Variants in ZMIZ1 observed in about 807,000 individuals in gnomAD.
ZMIZ1 encodes the protein zinc finger MIZ-type containing 1.
Under a neutral mutation model 113.9 loss-of-function variants are expected in ZMIZ1, and 17 were observed. The ratio of observed to expected loss-of-function variants is 0.15; its 90% CI spans 0.10 to 0.22. ZMIZ1 has a LOEUF of 0.22. Ranked by LOEUF, ZMIZ1 falls within the 10% of genes least tolerant of loss-of-function variation. ZMIZ1 has a pLI of 1.00. For missense variants in ZMIZ1, 1,059 were observed against 1,477.8 expected, an observed-to-expected ratio of 0.72 and a Z score of 4.65; for synonymous variants, 607 against 603.1, an observed-to-expected ratio of 1.01 and a Z score of -0.09.
chr10:79,208,427 A>G lies in ZMIZ1; in HGVS notation c.152A>G (p.Gln51Arg). The G allele has an allele frequency of 6.2e-7, 1 of 1,613,902 alleles. No individual in the cohort carries two copies. Among genetic ancestry groups the G allele is most frequent in the Non-Finnish European group, 8.5e-7 (1 of 1,180,022 alleles). The part of the protein sequence containing the change: ...DPRAFQRPFE[Q>R]SLMGCLTVVS... ...CGGGCCTTCCAGCGGCCCTTCGAGC[A>G]GAGCCTGATGGGCTGTTTGACGGTG... Residue 51 changes from glutamine (Q) to arginine (R), a missense_variant, in exon 6 of 25, where the codon CAG (glutamine) becomes CGG (arginine). By Grantham distance (43) the Gln-to-Arg change is conservative. Coordinates refer to ENST00000334512, the MANE Select transcript of ZMIZ1 (RefSeq NM_020338.4).
Position 79,296,423 on chromosome 10 carries a change from G to A in ZMIZ1, c.1231-48G>A, listed in dbSNP as rs139683634. 940 of 1,603,898 alleles carry A rather than the reference G, an allele frequency of 5.9e-4. 2 individuals are homozygous for A. In the African/African-American group the frequency reaches 0.011, roughly 19 times the overall value. On this transcript the variant is annotated intron_variant, in intron 12 of 24. Transcript: ENST00000334512. The surrounding 1 kb of genome is among the most constrained non-coding windows in gnomAD (Gnocchi z 4.1). The stretch of plus-strand genomic sequence containing the variant: ...TGTTCAGGTGACCTGGCTATGTGAC[G>A]TTGGCAACATTGAACGTGTTTCCCC...
intron 1 of ZMIZ1, among the ~76,000 whole-genome samples, chr10:79,106,703 C>T (rs1339884143): frequency 1.3e-5 from 2 of 152,240 alleles, no homozygotes; most frequent in East Asian, 1.9e-4. Context: ...TTGTTCATTC[C>T]ATACCCACTC....
chr10:79,145,124 G>T (rs763078223), intron 3 of ZMIZ1, among the ~76,000 whole-genome samples: 1 of 150,594 alleles, frequency 6.6e-6, no homozygotes, highest in Non-Finnish European at 1.5e-5. Flanking sequence ...CTCTGTCTGT[G>T]TCTTCCTTCT....
intron 7 of ZMIZ1, among the ~76,000 whole-genome samples, chr10:79,262,072 G>A (rs1281639219): frequency 6.6e-6 from 1 of 152,188 alleles, no homozygotes; most frequent in Non-Finnish European, 1.5e-5. Flanking sequence ...GCTTCTGCTG[G>A]CCCTAAGAAC....
At chr10:79,241,660 A>T (rs1564544390) in intron 7 of ZMIZ1, among the ~76,000 whole-genome samples, 1 of 152,206 alleles carries the variant, frequency 6.6e-6, no homozygotes, top group Non-Finnish European at 1.5e-5. Flanking sequence ...CCTGAAAGCG[A>T]TATTTCAAGT....
chr10:79,291,956 T>G (rs1314541974), intron 10 of ZMIZ1, among the ~76,000 whole-genome samples: 1 of 152,080 alleles, frequency 6.6e-6, no homozygotes, highest in African/African-American at 2.4e-5. Context: ...GCAGTGAGGG[T>G]GCAGGCACCC....
At chr10:79,247,683 G>T (rs1850291822) in intron 7 of ZMIZ1, among the ~76,000 whole-genome samples, 1 of 152,206 alleles carries the variant, frequency 6.6e-6, no homozygotes, top group South Asian at 2.1e-4. Flanking sequence ...GTGCTGCTTT[G>T]TGTGTACTGG....
At chr10:79,185,283 A>G (rs1847306657) in intron 4 of ZMIZ1, among the ~76,000 whole-genome samples, 1 of 152,130 alleles carries the variant, frequency 6.6e-6, no homozygotes, top group Non-Finnish European at 1.5e-5. Context: ...ATTCGCCCCA[A>G]AATTGTTGAG....
chr10:79,133,605 T>C lies in ZMIZ1; in HGVS notation c.-226-6077T>C, dbSNP rs559359510. Among the ~76,000 whole-genome samples the C allele has an allele frequency of 5.3e-5, 8 of 152,244 alleles. No homozygotes were observed. In the South Asian group the frequency reaches 8.3e-4, roughly 16 times the overall value. On this transcript the variant is annotated intron_variant, in intron 2 of 24. Coordinates refer to ENST00000334512, the MANE Select transcript of ZMIZ1 (RefSeq NM_020338.4). ...CAGGGAGGCCATTCCTAGCGACGCA[T>C]GCCTGGCCTGAAATAGACACATGGG...
rs1848817803 is a variant in ZMIZ1, at chr10:79,218,290, A to G, written c.280+2016A>G. On this transcript the variant is annotated intron_variant, in intron 7 of 24. Transcript: ENST00000334512. ...GTAGTTCGAGACCAGCCTGGGTAACATGGCGAAACCCCATATCTACAAAAA... is the reference window on the plus strand; with the variant it reads ...GTAGTTCGAGACCAGCCTGGGTAACGTGGCGAAACCCCATATCTACAAAAA... 2.6e-5 allele frequency among the ~76,000 whole-genome samples: 4 copies of G among 152,320 alleles called. No homozygotes were observed. In the South Asian group the frequency reaches 8.3e-4, roughly 32 times the overall value.
intron 7 of ZMIZ1, among the ~76,000 whole-genome samples, chr10:79,273,640 G>A (rs1021911826): frequency 6.6e-6 from 1 of 152,210 alleles, no homozygotes; most frequent in African/African-American, 2.4e-5. Context: ...TTACAGGTGT[G>A]AGCCATCACG....
At chr10:79,278,440 T>A (rs1039819602) in intron 8 of ZMIZ1, among the ~76,000 whole-genome samples, 15 of 151,462 alleles carry the variant, frequency 9.9e-5, no homozygotes, top group Middle Eastern at 3.2e-3. Context: ...TTCTTTTTTT[T>A]AATTTTTTTT....
intron 1 of ZMIZ1, among the ~76,000 whole-genome samples, chr10:79,089,263 C>G (rs1023051376): frequency 6.6e-6 from 1 of 152,258 alleles, no homozygotes; most frequent in African/African-American, 2.4e-5. Context: ...TCCTTCTCCC[C>G]ACCCAGATGG....
intron 1 of ZMIZ1, among the ~76,000 whole-genome samples, chr10:79,092,434 A>G (rs935433359): frequency 6.6e-6 from 1 of 152,248 alleles, no homozygotes. Flanking sequence ...GTTCTCCTCC[A>G]TAAATGGATC....
chr10:79,233,342 A>G (rs1320624380), intron 7 of ZMIZ1, among the ~76,000 whole-genome samples: 1 of 152,200 alleles, frequency 6.6e-6, no homozygotes, highest in African/African-American at 2.4e-5. Context: ...AACAATAGCA[A>G]TTGATCACTC....
At chr10:79,231,963 C>T (rs1849412431) in intron 7 of ZMIZ1, among the ~76,000 whole-genome samples, 1 of 152,210 alleles carries the variant, frequency 6.6e-6, no homozygotes, top group African/African-American at 2.4e-5. Context: ...CCAGTGGAGG[C>T]ACTGGGCTGA....
At chr10:79,281,835 A>G (rs899011203) in intron 8 of ZMIZ1, among the ~76,000 whole-genome samples, 1 of 152,222 alleles carries the variant, frequency 6.6e-6, no homozygotes, top group Non-Finnish European at 1.5e-5. Flanking sequence ...CAGAACACAC[A>G]GCCAGTAAAG....
At chr10:79,107,055 A>T (rs954192523) in intron 1 of ZMIZ1, among the ~76,000 whole-genome samples, 2 of 152,146 alleles carry the variant, frequency 1.3e-5, no homozygotes, top group African/African-American at 4.8e-5. Flanking sequence ...TGGCCAGGGG[A>T]TGGAGCAGCC....
chr10:79,199,045 A>AG (rs1847959549), intron 4 of ZMIZ1, among the ~76,000 whole-genome samples: 1 of 150,802 alleles, frequency 6.6e-6, no homozygotes, highest in Non-Finnish European at 1.5e-5. Flanking sequence ...AAAAAAAAAA[A>AG]TTGGAAAAAG....
Sources: gnomAD v4.1 joint callset for allele counts (sites outside exome capture counted in the v4.1 genomes callset) on GRCh38, gnomAD v4.1.1 for gene constraint, Gnocchi (gnomAD v3.1) non-coding constraint, MANE v1.5 for transcripts, NCBI Gene and HGNC (gene_info 2026-07-23, HGNC 2026-07-21) for gene names.